Variants in FAM193A observed in about 807,000 individuals in gnomAD.
The protein encoded by FAM193A is family with sequence similarity 193 member A.
FAM193A carries 22 observed loss-of-function variants against 126.5 expected under a neutral mutation model. The ratio of observed to expected loss-of-function variants is 0.17; its 90% CI spans 0.12 to 0.25. The LOEUF (loss-of-function observed/expected upper bound fraction) is 0.25. Ranked by LOEUF, FAM193A falls within the 10% of genes least tolerant of loss-of-function variation. The pLI is 1.00. For missense variants in FAM193A, 1,675 were observed against 1,672.8 expected (o/e 1.00, Z -0.02); for synonymous variants, 761 against 646.8 (o/e 1.18, Z -2.68).
intron 14 of FAM193A, 77 bp from the exon 15 acceptor site, chr4:2,690,621 G>A: frequency 7.4e-7 from 1 of 1,357,650 alleles, no homozygotes; most frequent in Non-Finnish European, 1.0e-6. Context: ...CAAGTGTTCA[G>A]TCATCAGCAT....
intron 19 of FAM193A, among the ~76,000 whole-genome samples, chr4:2,707,500 G>A (rs1473893764): frequency 6.6e-6 from 1 of 151,806 alleles, no homozygotes; most frequent in African/African-American, 2.4e-5. Flanking sequence ...AATATATACT[G>A]GATTTTGAAA....
intron 2 of FAM193A, among the ~76,000 whole-genome samples, chr4:2,623,570 A>G (rs186986822): frequency 6.6e-6 from 1 of 152,052 alleles, no homozygotes; most frequent in East Asian, 1.9e-4. Context: ...GTGTGACCCA[A>G]CTCCACAGCA....
intron 2 of FAM193A, among the ~76,000 whole-genome samples, chr4:2,620,836 C>CAAAAAAAAAAAAAAAAAAAA (rs34305537): frequency 1.4e-3 from 96 of 69,094 alleles, no homozygotes; most frequent in Non-Finnish European, 1.8e-3. Flanking sequence ...AACTCCGTCT[C>CAAAAAAAAAAAAAAAAAAAA]AAAAAAAAAA....
intron 1 of FAM193A, among the ~76,000 whole-genome samples, chr4:2,584,593 C>A (rs1740130045): frequency 1.3e-5 from 2 of 152,226 alleles, no homozygotes; most frequent in Middle Eastern, 6.8e-3. Flanking sequence ...CTGCTAAAGG[C>A]TACTACTCGA....
At chr4:2,613,029 A>G (rs148341665) in intron 2 of FAM193A, among the ~76,000 whole-genome samples, 4 of 152,332 alleles carry the variant, frequency 2.6e-5, no homozygotes, top group East Asian at 1.9e-4. Context: ...CCTTAACAAT[A>G]TTGAGTCTTC....
At chr4:2,633,888 C>T (rs924180917) in intron 5 of FAM193A, among the ~76,000 whole-genome samples, 13 of 152,006 alleles carry the variant, frequency 8.6e-5, no homozygotes, top group East Asian at 5.8e-4. Flanking sequence ...AGCAAAACTC[C>T]GTCTCAAAAA....
intron 19 of FAM193A, among the ~76,000 whole-genome samples, chr4:2,712,539 G>A (rs1719094011): frequency 6.6e-6 from 1 of 152,170 alleles, no homozygotes; most frequent in Non-Finnish European, 1.5e-5. Context: ...TGACGAGACA[G>A]CCTTGTCCTT....
At chr4:2,584,857 G>A (rs1354255479) in intron 1 of FAM193A, among the ~76,000 whole-genome samples, 11 of 151,768 alleles carry the variant, frequency 7.2e-5, no homozygotes, top group Admixed American at 5.9e-4. Context: ...CCCAGGTGAC[G>A]GAGGTTGCAG....
chr4:2,551,602 CTG>C (rs1222546396), intron 1 of FAM193A, among the ~76,000 whole-genome samples: 2 of 152,052 alleles, frequency 1.3e-5, no homozygotes, highest in Non-Finnish European at 2.9e-5. Context: ...CTTTTAATGT[CTG>C]TGGGAGTCTG....
At chr4:2,723,506 G>A (rs1269069088) in intron 20 of FAM193A, among the ~76,000 whole-genome samples, 2 of 151,610 alleles carry the variant, frequency 1.3e-5, no homozygotes, top group East Asian at 1.9e-4. Context: ...CCCAGGAGGC[G>A]GAGGTTGCAG....
Position 2,648,367 on chromosome 4 carries a change from A to G in FAM193A, c.1311+1535A>G, listed in dbSNP as rs950131398. Among the ~76,000 whole-genome samples the G allele has an allele frequency of 2.6e-5, 4 of 152,198 alleles. No homozygotes were observed. In the South Asian group the frequency reaches 8.3e-4, roughly 32 times the overall value. On this transcript the variant is annotated intron_variant, in intron 7 of 20. Coordinates refer to ENST00000637812, the MANE Select transcript of FAM193A (RefSeq NM_001366318.2). Reference sequence around the variant, plus strand: ...ACGTCAGGGTGAGGAGGGGCCTCAGAGATCACTTTGGTCCTGGGAGACTCC... The same window carrying G: ...ACGTCAGGGTGAGGAGGGGCCTCAGGGATCACTTTGGTCCTGGGAGACTCC...
At chr4:2,632,174 G>T (rs536897667) in intron 5 of FAM193A, among the ~76,000 whole-genome samples, 1 of 152,060 alleles carries the variant, frequency 6.6e-6, no homozygotes, top group African/African-American at 2.4e-5. Flanking sequence ...ATCAGTTTTG[G>T]GTGCTTTCTT....
rs1491028790 is a variant in FAM193A, at chr4:2,681,986, G to GT, written c.2332-7520_2332-7519insT. On this transcript the variant is annotated intron_variant, in intron 13 of 20. Transcript: ENST00000637812. ...AACTTCTCAGGGTTTTTTTTTTTTT[G>GT]GTTTTTTTTTTTTTTTGAGACAGAG... Among the ~76,000 whole-genome samples, 957 of 120,058 alleles carry GT rather than the reference G, an allele frequency of 8.0e-3. 13 individuals are homozygous for GT. The highest frequency in any genetic ancestry group is 0.027 in the African/African-American group (802 of 29,784). The allele number at this position is 120,058 out of a possible 152,430, so 78.8% of individuals were successfully genotyped here.
chr4:2,668,275 G>A (rs997120978), intron 12 of FAM193A, among the ~76,000 whole-genome samples: 1 of 148,802 alleles, frequency 6.7e-6, no homozygotes, highest in African/African-American at 2.5e-5. Context: ...GTGCAGTGGC[G>A]CAATCTTGGC....
At position 2,700,242 on chromosome 4, in the gene FAM193A, C is replaced by A. The variant is rs781470555; in HGVS notation, c.4070C>A (p.Pro1357His). 3.1e-6 allele frequency: 5 copies of A among 1,613,982 alleles called. No homozygotes were observed. Among genetic ancestry groups the A allele is most frequent in the Non-Finnish European group, 3.4e-6 (4 of 1,180,000 alleles). ...SSEPARRPTEPPKATEGQSKP... is the reference protein window; with the variant it reads ...SSEPARRPTEHPKATEGQSKP... The stretch of plus-strand genomic sequence containing the variant: ...GAGCCAGCGAGGAGGCCCACAGAGC[C>A]CCCCAAGGCCACAGAGGGGCAGTCC... The change falls in exon 19 of 21, where the codon CCC becomes CAC. Residue 1357 changes from proline (P) to histidine (H), a missense_variant. Coordinates refer to ENST00000637812, the MANE Select transcript of FAM193A (RefSeq NM_001366318.2).
chr4:2,642,899 A>AT (rs916684579), intron 6 of FAM193A, among the ~76,000 whole-genome samples: 27 of 150,800 alleles, frequency 1.8e-4, no homozygotes, highest in African/African-American at 6.6e-4. Context: ...CACCCGGCTA[A>AT]TTTTTTTTTG....
intron 2 of FAM193A, among the ~76,000 whole-genome samples, chr4:2,600,053 C>G (rs752193008): frequency 1.1e-4 from 16 of 152,168 alleles, no homozygotes; most frequent in Non-Finnish European, 2.2e-4. Flanking sequence ...GCGCGCAACA[C>G]CACACCTGGC....
In FAM193A at chr4:2,604,791, CTTTT is replaced by C. The variant is rs869148370; in HGVS notation, c.501+8482_501+8485del. Among the ~76,000 whole-genome samples, 114 of 99,626 alleles carry C rather than the reference CTTTT, an allele frequency of 1.1e-3. No homozygotes were observed. The East Asian group carries it at 0.028, about 25-fold the overall frequency. The allele number at this position is 99,626 out of a possible 152,430, so 65.4% of individuals were successfully genotyped here. On this transcript the variant is annotated intron_variant, in intron 2 of 20. Transcript: ENST00000637812. ...CTGCTTTTTTTCTTTTTTCTTTTTCCTTTTTTTTTTTTTTTTTTTTTTTGGTGGC... is the reference window on the plus strand; with the variant it reads ...CTGCTTTTTTTCTTTTTTCTTTTTCCTTTTTTTTTTTTTTTTTTTGGTGGC...
upstream of FAM193A, among the ~76,000 whole-genome samples, chr4:2,535,863 G>A (rs988290394): frequency 1.3e-5 from 2 of 152,094 alleles, no homozygotes; most frequent in African/African-American, 4.8e-5. Flanking sequence ...AGGGGTTCTC[G>A]GGGAACCGAC....
Sources: gnomAD v4.1 joint callset for allele counts (sites outside exome capture counted in the v4.1 genomes callset) on GRCh38, gnomAD v4.1.1 for gene constraint, MANE v1.5 for transcripts, NCBI Gene and HGNC (gene_info 2026-07-23, HGNC 2026-07-21) for gene names.